Variants in GRIK2 observed in about 807,000 individuals in gnomAD.
GRIK2 encodes the protein glutamate receptor ionotropic, kainate 2.
Under a neutral mutation model 100.3 loss-of-function variants are expected in GRIK2, and 32 were observed. The ratio of observed to expected loss-of-function variants is 0.32; its 90% confidence interval spans 0.24 to 0.43. GRIK2 has a LOEUF of 0.43. GRIK2 is among the 20% of genes least tolerant of loss of function. The pLI is 1.00. For missense variants in GRIK2, 843 were observed against 1,114.9 expected (o/e 0.76, Z 3.47); for synonymous variants, 417 against 389.4 (o/e 1.07, Z -0.83).
intron 11 of GRIK2, among the ~76,000 whole-genome samples, chr6:101,884,353 G>A (rs1306635926): frequency 1.3e-5 from 2 of 152,074 alleles, no homozygotes; most frequent in Non-Finnish European, 2.9e-5. Context: ...GTTTAGAACT[G>A]ATTTTCCAGC....
At chr6:101,700,936 G>A (rs555936876) in intron 7 of GRIK2, among the ~76,000 whole-genome samples, 38 of 152,258 alleles carry the variant, frequency 2.5e-4, no homozygotes, top group African/African-American at 8.7e-4. Flanking sequence ...AGGCCTTAGA[G>A]CTTTGCAGCT....
rs185723610 is a variant in GRIK2 at position 101,603,513 on chromosome 6, G to A, written c.116-18436G>A. Among the ~76,000 whole-genome samples the A allele has an allele frequency of 3.5e-3, 527 of 151,590 alleles. 2 individuals are homozygous for A. The highest frequency in any genetic ancestry group is 0.025 in the South Asian group (119 of 4,824). ...AGAATGGAGTGAGATTGGGTCTAAA[G>A]CTATTTGTGAAAAAAACTTAAAGGC... On this transcript the variant is annotated intron_variant, in intron 2 of 16. Transcript: ENST00000369134.
intron 11 of GRIK2, among the ~76,000 whole-genome samples, chr6:101,877,102 G>A (rs577738744): frequency 1.3e-5 from 2 of 151,848 alleles, no homozygotes; most frequent in African/African-American, 4.8e-5. Flanking sequence ...TTTTCCTAAA[G>A]TAATTGGTGC....
At chr6:101,915,183 A>G (rs2257173) in intron 12 of GRIK2, among the ~76,000 whole-genome samples, 141,824 of 151,382 alleles carry the variant, frequency 0.94, 66,475 homozygotes, top group Middle Eastern at 0.97. Flanking sequence ...AGTAATATGG[A>G]TAATTTATTG....
At chr6:101,626,060 A>G (rs1780421680) in intron 3 of GRIK2, among the ~76,000 whole-genome samples, 1 of 152,110 alleles carries the variant, frequency 6.6e-6, no homozygotes, top group Non-Finnish European at 1.5e-5. Context: ...CCCCTCATAT[A>G]AACTAGTCTT....
chr6:101,872,131 C>T (rs1785465833), intron 11 of GRIK2, among the ~76,000 whole-genome samples: 2 of 152,014 alleles, frequency 1.3e-5, no homozygotes, highest in Middle Eastern at 3.4e-3. Context: ...GTATACTTCA[C>T]ATTGCAATCA....
chr6:102,028,573 T>C (rs947416977), intron 14 of GRIK2, among the ~76,000 whole-genome samples: 1 of 151,302 alleles, frequency 6.6e-6, no homozygotes, highest in African/African-American at 2.4e-5. Flanking sequence ...TAAGATGATT[T>C]ACGAAAACTT....
rs546725198 is a variant in GRIK2, at chr6:101,987,971, C to T, written c.2086-47370C>T. 4.7e-4 allele frequency among the ~76,000 whole-genome samples: 72 copies of T among 151,704 alleles called. 1 individual carries two copies. Among genetic ancestry groups the T allele is most frequent in the African/African-American group, 1.6e-3 (65 of 41,454 alleles). On this transcript the variant is annotated intron_variant, in intron 14 of 16. Coordinates refer to ENST00000369134, the MANE Select transcript of GRIK2 (RefSeq NM_021956.5). The stretch of plus-strand genomic sequence containing the variant: ...ACCTTGGAAACTATTTAAAGAGCAT[C>T]GTCTCTTTACTATTTGTTTTTATCG...
At chr6:101,783,104 C>T (rs962440208) in intron 7 of GRIK2, among the ~76,000 whole-genome samples, 6 of 151,916 alleles carry the variant, frequency 3.9e-5, no homozygotes, top group African/African-American at 9.7e-5. Flanking sequence ...GTGATCCACC[C>T]GCCTCGGCCT....
chr6:101,947,389 C>G (rs1173218406), intron 14 of GRIK2, among the ~76,000 whole-genome samples: 1 of 151,988 alleles, frequency 6.6e-6, no homozygotes, highest in Non-Finnish European at 1.5e-5. Context: ...AACAAAGAAA[C>G]TTTAATCTTA....
chr6:101,476,033 A>C (rs1041597853), intron 2 of GRIK2, among the ~76,000 whole-genome samples: 10 of 152,136 alleles, frequency 6.6e-5, no homozygotes, highest in African/African-American at 2.4e-4. Context: ...TATGTCAAAA[A>C]CTGAAACATT....
intron 9 of GRIK2, among the ~76,000 whole-genome samples, chr6:101,815,245 A>G (rs1033293055): frequency 5.9e-5 from 9 of 152,190 alleles, no homozygotes; most frequent in Admixed American, 6.5e-5. Flanking sequence ...TATTCATAGG[A>G]TCAAAGTTTA....
intron 7 of GRIK2, among the ~76,000 whole-genome samples, chr6:101,750,341 G>A (rs906221587): frequency 6.6e-6 from 1 of 152,150 alleles, no homozygotes; most frequent in Non-Finnish European, 1.5e-5. Flanking sequence ...AAATACTGCT[G>A]CCCTTCTGAA....
intron 2 of GRIK2, among the ~76,000 whole-genome samples, chr6:101,554,123 A>T (rs1014158351): frequency 6.6e-6 from 1 of 152,190 alleles, no homozygotes; most frequent in African/African-American, 2.4e-5. Context: ...CATAAGCAGT[A>T]GGAACAGAAT....
At chr6:101,959,089 A>G (rs1792123081) in intron 14 of GRIK2, among the ~76,000 whole-genome samples, 1 of 152,040 alleles carries the variant, frequency 6.6e-6, no homozygotes, top group Admixed American at 6.6e-5. Flanking sequence ...TGCAACAGTT[A>G]TAGTAAAATT....
At chr6:101,775,596 A>G (rs935607690) in intron 7 of GRIK2, among the ~76,000 whole-genome samples, 4 of 151,168 alleles carry the variant, frequency 2.6e-5, no homozygotes, top group African/African-American at 9.7e-5. Flanking sequence ...TTTATTTATA[A>G]TAAACTATAA....
chr6:101,821,927 G>A (rs1019710338), intron 10 of GRIK2, among the ~76,000 whole-genome samples: 3 of 152,010 alleles, frequency 2.0e-5, no homozygotes, highest in African/African-American at 7.2e-5. Context: ...GAGATACAAG[G>A]AGATGTTAAC....
At chr6:101,855,706 C>CA (rs1192491444) in intron 10 of GRIK2, among the ~76,000 whole-genome samples, 1 of 152,132 alleles carries the variant, frequency 6.6e-6, no homozygotes, top group African/African-American at 2.4e-5. Context: ...CCAGCATAAA[C>CA]AGTTTTTATT....
At chr6:101,725,730 C>T (rs1774814210) in intron 7 of GRIK2, among the ~76,000 whole-genome samples, 1 of 151,974 alleles carries the variant, frequency 6.6e-6, no homozygotes, top group East Asian at 1.9e-4. Flanking sequence ...TATCTGTAGG[C>T]TTCCAGGTTT....
Sources: allele counts gnomAD v4.1 joint callset (sites outside exome capture counted in the v4.1 genomes callset), GRCh38; gene constraint gnomAD v4.1.1; transcripts MANE v1.5; gene names NCBI Gene and HGNC (gene_info 2026-07-23, HGNC 2026-07-21).